FGGY: variants seen among roughly 807,000 people sequenced by gnomAD.
FGGY encodes the protein FGGY carbohydrate kinase domain containing.
FGGY carries 72 observed loss-of-function variants against 71.3 expected under a neutral mutation model. The ratio of observed to expected loss-of-function variants is 1.01; its 90% CI spans 0.84 to 1.23. The LOEUF is 1.23. Among genes scored for constraint, FGGY ranks in the 50% most tolerant of loss-of-function variants. The pLI is 0.00. For missense variants in FGGY, 668 were observed against 682.3 expected (o/e 0.98, Z 0.23); for synonymous variants, 251 against 250.3 (o/e 1.00, Z -0.02).
chr1:59,450,958 C>T (rs2072554913), intron 5 of FGGY, among the ~76,000 whole-genome samples: 1 of 152,052 alleles, frequency 6.6e-6, no homozygotes, highest in South Asian at 2.1e-4. Context: ...ATTTTAACCA[C>T]AGTATGATTA....
At chr1:59,675,745 A>G (rs2097429533) in intron 14 of FGGY, among the ~76,000 whole-genome samples, 1 of 152,228 alleles carries the variant, frequency 6.6e-6, no homozygotes, top group South Asian at 2.1e-4. Flanking sequence ...GGCAAATTAT[A>G]ATAGTTAAAA....
At chr1:59,755,350 A>C (rs1226960068) in intron 14 of FGGY, 1 of 152,182 alleles carries the variant, frequency 6.6e-6, no homozygotes, top group African/African-American at 2.4e-5. Context: ...TTTGGCAGTG[A>C]AAATAATTAT....
intron 3 of FGGY, among the ~76,000 whole-genome samples, chr1:59,341,465 A>G (rs776925863): frequency 1.3e-5 from 2 of 152,226 alleles, no homozygotes; most frequent in Non-Finnish European, 2.9e-5. Context: ...ATGCAAATAG[A>G]TGAATGATTA....
At chr1:59,521,566 C>T (rs941753885) in intron 7 of FGGY, among the ~76,000 whole-genome samples, 1 of 152,178 alleles carries the variant, frequency 6.6e-6, no homozygotes, top group Non-Finnish European at 1.5e-5. Flanking sequence ...TACATACACT[C>T]CTGTTTGGAT....
At chr1:59,756,159 A>G (rs934122717) in intron 14 of FGGY, 1 of 152,200 alleles carries the variant, frequency 6.6e-6, no homozygotes, top group Non-Finnish European at 1.5e-5. Flanking sequence ...ATGACTCCAG[A>G]CAGCCCTTTT....
intron 6 of FGGY, among the ~76,000 whole-genome samples, chr1:59,495,183 T>G (rs893238261): frequency 3.3e-5 from 5 of 152,224 alleles, no homozygotes; most frequent in African/African-American, 1.2e-4. Context: ...AATGGGGTTA[T>G]TTTTCGCTTG....
At chr1:59,529,360 T>A (rs1046842115) in intron 7 of FGGY, among the ~76,000 whole-genome samples, 1 of 152,208 alleles carries the variant, frequency 6.6e-6, no homozygotes, top group Non-Finnish European at 1.5e-5. Context: ...TCCAGCAGCT[T>A]GCTCAAGGTC....
chr1:59,552,562 C>A (rs2095624297), intron 7 of FGGY, among the ~76,000 whole-genome samples: 1 of 152,182 alleles, frequency 6.6e-6, no homozygotes, highest in African/African-American at 2.4e-5. Flanking sequence ...TAGCAAGTAT[C>A]TGAGCAGCCA....
In FGGY at chr1:59,523,886, C is replaced by T. The variant is rs142528371; in HGVS notation, c.799+11447C>T. Among the ~76,000 whole-genome samples the T allele has an allele frequency of 5.3e-4, 81 of 152,336 alleles. No homozygotes were observed. The East Asian group carries it at 5.8e-3, about 11-fold the overall frequency. ...AGTGACCCATCTGGAGCAGCCACTGCGAAGATGCTGGCTGCAGTAGAGGAA... is the reference window on the plus strand; with the variant it reads ...AGTGACCCATCTGGAGCAGCCACTGTGAAGATGCTGGCTGCAGTAGAGGAA... On this transcript the variant is annotated intron_variant, in intron 7 of 15. Transcript: ENST00000303721.
At chr1:59,588,937 C>A (rs562897017) in intron 8 of FGGY, among the ~76,000 whole-genome samples, 3 of 152,108 alleles carry the variant, frequency 2.0e-5, no homozygotes, top group Non-Finnish European at 4.4e-5. Context: ...TCACACATAA[C>A]AATATTAACT....
intron 6 of FGGY, among the ~76,000 whole-genome samples, chr1:59,468,836 C>A (rs1467552237): frequency 1.3e-5 from 2 of 148,508 alleles, no homozygotes; most frequent in East Asian, 3.9e-4. Context: ...TGCACCACTG[C>A]ACTCCAGTCT....
chr1:59,464,865 T>A (rs1269718237), intron 6 of FGGY, among the ~76,000 whole-genome samples: 1 of 152,086 alleles, frequency 6.6e-6, no homozygotes, highest in Admixed American at 6.5e-5. Flanking sequence ...GCTCTGAAAT[T>A]GAAACAATAT....
At position 59,376,360 on chromosome 1, in the gene FGGY, C is replaced by A. The variant is rs141738229; in HGVS notation, c.466-2389C>A. Among the ~76,000 whole-genome samples the A allele has an allele frequency of 2.6e-3, 400 of 152,234 alleles. 1 individual carries two copies. Among genetic ancestry groups the A allele is most frequent in the Non-Finnish European group, 4.2e-3 (283 of 68,022 alleles). ...AACAGAGAATCAGCTTGATACTTTG[C>A]CTTTTAGATCTGAACTCTTTTGATA... On this transcript the variant is annotated intron_variant, in intron 4 of 15. Transcript: ENST00000303721.
chr1:59,437,974 A>T (rs1451620144), intron 5 of FGGY, among the ~76,000 whole-genome samples: 2 of 152,142 alleles, frequency 1.3e-5, no homozygotes, highest in African/African-American at 4.8e-5. Flanking sequence ...ATTTCAGGAG[A>T]AGTCTTTTTA....
At chr1:59,753,904 T>A (rs1296201467) in intron 14 of FGGY, among the ~76,000 whole-genome samples, 1 of 152,190 alleles carries the variant, frequency 6.6e-6, no homozygotes, top group Non-Finnish European at 1.5e-5. Context: ...ATAAAGTCAC[T>A]TAGATAATAT....
At chr1:59,487,011 C>T (rs888766217) in intron 6 of FGGY, among the ~76,000 whole-genome samples, 3 of 152,166 alleles carry the variant, frequency 2.0e-5, no homozygotes, top group Non-Finnish European at 4.4e-5. Context: ...ATAGGTTATA[C>T]ACTCCAAGGA....
intron 6 of FGGY, among the ~76,000 whole-genome samples, chr1:59,498,529 G>T (rs1328885022): frequency 6.6e-6 from 1 of 152,066 alleles, no homozygotes; most frequent in African/African-American, 2.4e-5. Context: ...TCTAATGCAG[G>T]GCTCTTCATA....
At chr1:59,354,930 G>C (rs771090292) in intron 4 of FGGY, among the ~76,000 whole-genome samples, 4 of 152,212 alleles carry the variant, frequency 2.6e-5, no homozygotes, top group Non-Finnish European at 4.4e-5. Context: ...ATTCACTGTG[G>C]GGGAGGAAAG....
In FGGY at chr1:59,649,796, G is replaced by C. The variant is rs1228451715; in HGVS notation, c.1222-10423G>C. Among the ~76,000 whole-genome samples the C allele has an allele frequency of 5.5e-4, 78 of 142,506 alleles. 8 individuals are homozygous for C. Among genetic ancestry groups the C allele is most frequent in the African/African-American group, 2.2e-3 (75 of 34,030 alleles). The allele number at this position is 142,506 out of a possible 152,430, so 93.5% of individuals were successfully genotyped here. ...GAACTTCCAACACTGTGTTGAATAG[G>C]AGTGGTGAGAGAGGGCATCCCTGTC... On this transcript the variant is annotated intron_variant, in intron 11 of 15. Coordinates refer to ENST00000303721, the MANE Select transcript of FGGY (RefSeq NM_018291.5).
Sources: gnomAD v4.1 joint callset for allele counts (sites outside exome capture counted in the v4.1 genomes callset) on GRCh38, gnomAD v4.1.1 for gene constraint, MANE v1.5 for transcripts, NCBI Gene and HGNC (gene_info 2026-07-23, HGNC 2026-07-21) for gene names.